SPOCK3: variants seen among roughly 807,000 people sequenced by gnomAD.
The protein encoded by SPOCK3 is SPARC (osteonectin), cwcv and kazal like domains proteoglycan 3.
In SPOCK3, 30 loss-of-function variants were observed where a neutral mutation model predicts 56.6. The ratio of observed to expected loss-of-function variants is 0.53; its 90% CI spans 0.40 to 0.72. The LOEUF is 0.72. SPOCK3 is among the 30% of genes least tolerant of loss of function. The pLI is 0.00. For missense variants in SPOCK3, 527 were observed against 530.0 expected (o/e 0.99, Z 0.06); for synonymous variants, 196 against 183.3 (o/e 1.07, Z -0.56).
chr4:167,029,462 T>A (rs375618087), intron 3 of SPOCK3, among the ~76,000 whole-genome samples: 1 of 152,206 alleles, frequency 6.6e-6, no homozygotes, highest in South Asian at 2.1e-4. Flanking sequence ...CAGATGTTTT[T>A]TAGAAGGGGA....
intron 4 of SPOCK3, among the ~76,000 whole-genome samples, chr4:166,943,344 A>T (rs1452182608): frequency 6.6e-6 from 1 of 152,242 alleles, no homozygotes; most frequent in Non-Finnish European, 1.5e-5. Flanking sequence ...AGGCAGTGAG[A>T]AAACACATTG....
intron 2 of SPOCK3, among the ~76,000 whole-genome samples, chr4:167,069,636 G>A (rs1756487641): frequency 6.6e-6 from 1 of 151,884 alleles, no homozygotes; most frequent in South Asian, 2.1e-4. Flanking sequence ...GGTCAAGCAT[G>A]TCTTTCATAA....
At chr4:166,952,390 C>T (rs1242835256) in intron 4 of SPOCK3, among the ~76,000 whole-genome samples, 1 of 152,058 alleles carries the variant, frequency 6.6e-6, no homozygotes, top group East Asian at 1.9e-4. Flanking sequence ...CGTGAAGGAC[C>T]TCTTCAAGGA....
intron 7 of SPOCK3, among the ~76,000 whole-genome samples, chr4:166,790,295 A>C (rs1057222101): frequency 6.6e-6 from 1 of 152,178 alleles, no homozygotes; most frequent in Non-Finnish European, 1.5e-5. Flanking sequence ...CTGAAGGGAA[A>C]ATAAAAATAG....
intron 6 of SPOCK3, among the ~76,000 whole-genome samples, chr4:166,887,092 C>G (rs532877236): frequency 6.6e-6 from 1 of 152,102 alleles, no homozygotes; most frequent in Non-Finnish European, 1.5e-5. Context: ...TTAATATACA[C>G]ACTATACAGA....
chr4:167,205,348 T>TAAA lies in SPOCK3; in HGVS notation c.189+28636_189+28637insTTT, dbSNP rs1213844714. 1.2e-3 allele frequency among the ~76,000 whole-genome samples: 48 copies of TAAA among 39,382 alleles called. 4 individuals carry two copies. Among genetic ancestry groups the TAAA allele is most frequent in the African/African-American group, 5.8e-3 (41 of 7,120 alleles). The allele number at this position is 39,382 out of a possible 152,430, so 25.8% of individuals were successfully genotyped here. A position where few individuals can be genotyped will look rare whatever the true frequency, so the allele number is the denominator to read the frequency against. On this transcript the variant is annotated intron_variant, in intron 2 of 10. Transcript: ENST00000357545. ...TATAATATATATTATATATTATATA[T>TAAA]ATAATATATATATTATATATTTTAT...
At chr4:167,158,528 C>T (rs1765007553) in intron 2 of SPOCK3, among the ~76,000 whole-genome samples, 1 of 151,900 alleles carries the variant, frequency 6.6e-6, no homozygotes, top group African/African-American at 2.4e-5. Flanking sequence ...AGATCATTCT[C>T]CTTACCAGAA....
chr4:166,743,544 C>T (rs1039499163), intron 8 of SPOCK3, among the ~76,000 whole-genome samples: 5 of 152,260 alleles, frequency 3.3e-5, no homozygotes, highest in Admixed American at 2.6e-4. Flanking sequence ...GTGTGAGCGA[C>T]GCAGAAGACG....
rs183075875 is a variant in SPOCK3 at position 167,025,931 on chromosome 4, C to A, written c.236-25468G>T. ...GAGCCTATTGCTCCTAGGCTACAAA[C>A]CTGTACAGCATGTTACTGCACTGAA... On this transcript the variant is annotated intron_variant, in intron 3 of 10. Transcript: ENST00000357545. 2.0e-5 allele frequency among the ~76,000 whole-genome samples: 3 copies of A among 152,126 alleles called. No individual in the cohort carries two copies. The East Asian group carries it at 5.8e-4, about 30-fold the overall frequency.
chr4:166,881,612 C>T (rs1315565601), intron 6 of SPOCK3, among the ~76,000 whole-genome samples: 2 of 152,014 alleles, frequency 1.3e-5, no homozygotes, highest in Non-Finnish European at 2.9e-5. Flanking sequence ...ATCAAATCAA[C>T]AATTTCTTTA....
intron 3 of SPOCK3, among the ~76,000 whole-genome samples, chr4:167,055,659 C>T (rs567906851): frequency 6.6e-6 from 1 of 152,222 alleles, no homozygotes; most frequent in Admixed American, 6.5e-5. Context: ...TATCCCGCAC[C>T]TGGCTCAGAG....
At chr4:166,960,644 C>T (rs958638953) in intron 4 of SPOCK3, among the ~76,000 whole-genome samples, 4 of 152,148 alleles carry the variant, frequency 2.6e-5, no homozygotes, top group African/African-American at 9.7e-5. Context: ...AGGTCTCACC[C>T]AGTTTAGTGA....
chr4:166,841,976 G>C (rs1162684819), intron 6 of SPOCK3, among the ~76,000 whole-genome samples: 8 of 152,186 alleles, frequency 5.3e-5, no homozygotes, highest in Non-Finnish European at 1.2e-4. Flanking sequence ...CTTCCTTCTG[G>C]TGGGTCTGTG....
At chr4:166,892,296 G>A (rs1332129977) in intron 5 of SPOCK3, among the ~76,000 whole-genome samples, 1 of 151,780 alleles carries the variant, frequency 6.6e-6, no homozygotes, top group Non-Finnish European at 1.5e-5. Flanking sequence ...CTTTATATGT[G>A]AAATGATTTC....
At chr4:166,751,458 TTTG>T (rs1560819605) in intron 8 of SPOCK3, among the ~76,000 whole-genome samples, 1 of 152,174 alleles carries the variant, frequency 6.6e-6, no homozygotes, top group Non-Finnish European at 1.5e-5. Flanking sequence ...ATATAATTAC[TTTG>T]TTATTTCTGA....
chr4:166,912,594 A>T lies in SPOCK3; in HGVS notation c.474+26T>A, dbSNP rs780562009. 8 of 1,611,580 alleles carry T rather than the reference A, an allele frequency of 5.0e-6. No individual in the cohort carries two copies. The African/African-American group carries it at 8.0e-5, about 16-fold the overall frequency. ...TAATAAGTATGCATCCCTTATTTCA[A>T]ACTAAACAACTGTAGGTGTCTTTAC... is the stretch of plus-strand genomic sequence containing the variant. On this transcript the variant is annotated intron_variant, in intron 5 of 10. Transcript: ENST00000357545.
chr4:166,805,116 TA>T (rs1179597428), intron 6 of SPOCK3, among the ~76,000 whole-genome samples: 2 of 152,030 alleles, frequency 1.3e-5, no homozygotes, highest in East Asian at 3.9e-4. Context: ...ATATGCCCTT[TA>T]TATAAATGAT....
chr4:166,852,246 A>G (rs899438966), intron 6 of SPOCK3, among the ~76,000 whole-genome samples: 1 of 152,122 alleles, frequency 6.6e-6, no homozygotes, highest in African/African-American at 2.4e-5. Context: ...ATGTATACAT[A>G]TGTAACTAAC....
intron 2 of SPOCK3, among the ~76,000 whole-genome samples, chr4:167,178,207 A>G (rs1482631514): frequency 6.6e-6 from 1 of 152,174 alleles, no homozygotes; most frequent in South Asian, 2.1e-4. Flanking sequence ...CTTTCACAGG[A>G]TTCAATTTCT....
Sources: gnomAD v4.1 joint callset for allele counts (sites outside exome capture counted in the v4.1 genomes callset) on GRCh38, gnomAD v4.1.1 for gene constraint, MANE v1.5 for transcripts, NCBI Gene and HGNC (gene_info 2026-07-23, HGNC 2026-07-21) for gene names.